Variants in PTPRK observed in about 807,000 individuals in gnomAD.
The protein encoded by PTPRK is receptor-type tyrosine-protein phosphatase kappa.
Under a neutral mutation model 178.0 loss-of-function variants are expected in PTPRK, and 75 were observed. That is an observed-to-expected ratio of 0.42 (90% CI 0.35 to 0.51). PTPRK has a LOEUF of 0.51. Ranked by LOEUF, PTPRK falls within the 20% of genes least tolerant of loss-of-function variation. The pLI is 0.02. For synonymous variants in PTPRK, 637 were observed against 620.6 expected (o/e 1.03, Z -0.39); for missense variants, 1,441 against 1,797.8 (o/e 0.80, Z 3.59).
At chr6:128,172,919 G>T (rs1800513793) in intron 7 of PTPRK, among the ~76,000 whole-genome samples, 1 of 151,888 alleles carries the variant, frequency 6.6e-6, no homozygotes, top group African/African-American at 2.4e-5. Context: ...ATATGCTCAG[G>T]TCCTTCTCCT....
intron 7 of PTPRK, among the ~76,000 whole-genome samples, chr6:128,166,698 T>G (rs1799457122): frequency 6.6e-6 from 1 of 151,748 alleles, no homozygotes; most frequent in Non-Finnish European, 1.5e-5. Context: ...TAAATTTTTG[T>G]TTACTCTCAT....
chr6:128,085,762 T>C (rs1785678743), intron 8 of PTPRK, among the ~76,000 whole-genome samples: 1 of 152,190 alleles, frequency 6.6e-6, no homozygotes, highest in African/African-American at 2.4e-5. Context: ...CAAGTACCTA[T>C]AGATTGCATT....
chr6:128,029,129 C>T (rs569688141), intron 13 of PTPRK, among the ~76,000 whole-genome samples: 23 of 152,162 alleles, frequency 1.5e-4, no homozygotes, highest in African/African-American at 4.8e-4. Flanking sequence ...GGCTCTCTCA[C>T]GAATGCCTTG....
At chr6:128,067,353 C>A in intron 12 of PTPRK, 166 bp downstream of exon 12, 1 of 617,944 alleles carries the variant, frequency 1.6e-6, no homozygotes, top group Non-Finnish European at 2.4e-6. Context: ...GCGGCCTCAG[C>A]CCTACTGTAG....
At chr6:128,174,636 C>A (rs551471675) in intron 7 of PTPRK, among the ~76,000 whole-genome samples, 1 of 151,762 alleles carries the variant, frequency 6.6e-6, no homozygotes, top group Non-Finnish European at 1.5e-5. Flanking sequence ...TTAGTACATG[C>A]CCAAATAGCT....
At chr6:128,246,708 G>A (rs1379351068) in intron 3 of PTPRK, among the ~76,000 whole-genome samples, 2 of 152,204 alleles carry the variant, frequency 1.3e-5, no homozygotes, top group Non-Finnish European at 2.9e-5. Context: ...CAGTCAACCA[G>A]GCTTCCCAGA....
chr6:128,192,818 G>A (rs1319232738), intron 6 of PTPRK, among the ~76,000 whole-genome samples: 44 of 117,648 alleles, frequency 3.7e-4, no homozygotes, highest in Non-Finnish European at 5.6e-4. Context: ...CCCTATATCA[G>A]AAAAAGGGAA....
At chr6:128,508,540 T>C (rs1856701033) in intron 1 of PTPRK, among the ~76,000 whole-genome samples, 1 of 152,208 alleles carries the variant, frequency 6.6e-6, no homozygotes, top group African/African-American at 2.4e-5. Context: ...AATCACATAA[T>C]CTATATTGAA....
intron 13 of PTPRK, among the ~76,000 whole-genome samples, chr6:128,045,718 C>A (rs910830298): frequency 1.4e-4 from 21 of 152,000 alleles, no homozygotes; most frequent in African/African-American, 5.1e-4. Context: ...TTAATTAATT[C>A]AGCCATTCCA....
chr6:128,196,672 G>C (rs554392818), intron 6 of PTPRK, among the ~76,000 whole-genome samples: 18 of 152,234 alleles, frequency 1.2e-4, no homozygotes, highest in African/African-American at 4.1e-4. Context: ...TAGAGCACAA[G>C]TAATGCAATT....
intron 7 of PTPRK, among the ~76,000 whole-genome samples, chr6:128,145,454 A>C (rs1421553084): frequency 6.6e-6 from 1 of 152,126 alleles, no homozygotes; most frequent in Non-Finnish European, 1.5e-5. Context: ...AATGTGGTTT[A>C]ATAAAGACAT....
chr6:128,364,334 A>AT (rs544907686), intron 2 of PTPRK, among the ~76,000 whole-genome samples: 25 of 151,938 alleles, frequency 1.6e-4, no homozygotes, highest in African/African-American at 5.3e-4. Context: ...CATTCAAACA[A>AT]TTTTTTTTAT....
At chr6:128,279,699 G>A (rs1183607008) in intron 3 of PTPRK, among the ~76,000 whole-genome samples, 2 of 152,160 alleles carry the variant, frequency 1.3e-5, no homozygotes, top group African/African-American at 2.4e-5. Flanking sequence ...TATCCCCAAA[G>A]TGAAGATTAA....
chr6:128,444,751 G>A (rs1404174757), intron 1 of PTPRK, among the ~76,000 whole-genome samples: 1 of 152,134 alleles, frequency 6.6e-6, no homozygotes, highest in African/African-American at 2.4e-5. Flanking sequence ...ATGAAGAAAA[G>A]GGAAGTAGCT....
chr6:128,281,390 C>T (rs1015890820), intron 3 of PTPRK, among the ~76,000 whole-genome samples: 6 of 152,154 alleles, frequency 3.9e-5, no homozygotes, highest in African/African-American at 1.2e-4. Flanking sequence ...TTATCCTTCC[C>T]GCACTCCTTT....
chr6:128,350,895 C>T (rs1270326621), intron 2 of PTPRK, among the ~76,000 whole-genome samples: 1 of 152,084 alleles, frequency 6.6e-6, no homozygotes, highest in Admixed American at 6.6e-5. Context: ...TACTCTTAGC[C>T]CTCTAACCTA....
intron 27 of PTPRK, among the ~76,000 whole-genome samples, chr6:127,974,054 A>G (rs1454915983): frequency 6.6e-6 from 1 of 152,174 alleles, no homozygotes; most frequent in African/African-American, 2.4e-5. Context: ...TGTATCCAGT[A>G]ATTCATTACT....
At chr6:128,235,442 C>A in intron 5 of PTPRK, 1 of 272,254 alleles carries the variant, frequency 3.7e-6, no homozygotes. Context: ...TATAATTTCA[C>A]TTTTGATCTT....
rs57723685 is a variant in PTPRK, at chr6:128,503,842, TTGTGTGTGTGTG to T, written c.100+16405_100+16416del. Among the ~76,000 whole-genome samples the T allele has an allele frequency of 7.1e-4, 100 of 139,970 alleles. 1 individual carries two copies. In the East Asian group the frequency reaches 0.012, roughly 17 times the overall value. 91.8% of individuals were successfully genotyped at this position (139,970 alleles called of 152,430 possible). ...CATGCACCACTATGCCTGGTTATTA[TTGTGTGTGTGTG>T]TGTGTGTGTGTGTGTGTGTGTGTGT... On this transcript the variant is annotated intron_variant, in intron 1 of 29. Coordinates refer to ENST00000368226, the MANE Select transcript of PTPRK (RefSeq NM_002844.4).
Sources: gnomAD v4.1 joint callset for allele counts (sites outside exome capture counted in the v4.1 genomes callset) on GRCh38, gnomAD v4.1.1 for gene constraint, MANE v1.5 for transcripts, NCBI Gene and HGNC (gene_info 2026-07-23, HGNC 2026-07-21) for gene names.